LNX1: variants seen among roughly 807,000 people sequenced by gnomAD.
LNX1 encodes the protein E3 ubiquitin-protein ligase LNX.
Under a neutral mutation model 68.4 loss-of-function variants are expected in LNX1, and 54 were observed. The observed-to-expected ratio is 0.79, with a 90% CI of 0.63 to 0.99. The LOEUF is 0.99. Ranked by LOEUF, LNX1 falls within the 50% of genes least tolerant of loss-of-function variation. The probability of loss-of-function intolerance (pLI) is 0.00; values close to 1 mark genes in which losing one functional copy is unlikely to be tolerated. For missense variants in LNX1, 906 were observed against 926.4 expected, an observed-to-expected ratio of 0.98 and a Z score of 0.29; for synonymous variants, 336 against 350.0, an observed-to-expected ratio of 0.96 and a Z score of 0.45.
In LNX1 at chr4:53,498,755, A is replaced by T. The variant is rs1725258615; in HGVS notation, c.864T>A (p.Ile288=). Residue 288 remains isoleucine (I), a synonymous_variant, in exon 5 of 11, where the codon ATT becomes ATA. Transcript: ENST00000263925. ...GGGTTTCGCTACCTCCCACCAGCCT[A>T]ATAGAGAGGCTTTCACTGGGATCTA... ...NRVDPSESLS[I]RLVGGSETPL... 1.2e-6 allele frequency: 2 copies of T among 1,613,578 alleles called. No homozygotes were observed. Among genetic ancestry groups the T allele is most frequent in the Non-Finnish European group, 8.5e-7 (1 of 1,179,584 alleles).
At chr4:53,559,539 A>G (rs982828754) in intron 2 of LNX1, among the ~76,000 whole-genome samples, 1 of 152,224 alleles carries the variant, frequency 6.6e-6, no homozygotes, top group Non-Finnish European at 1.5e-5. Context: ...CTCCCCTGTA[A>G]AAGAAAGACA....
intron 2 of LNX1, among the ~76,000 whole-genome samples, chr4:53,529,649 C>T (rs1264499203): frequency 6.6e-6 from 1 of 152,138 alleles, no homozygotes; most frequent in East Asian, 1.9e-4. Context: ...GCTCCATGTA[C>T]ATTGTGAGCT....
intron 7 of LNX1, among the ~76,000 whole-genome samples, chr4:53,480,282 G>A (rs867375025): frequency 3.3e-5 from 5 of 152,038 alleles, no homozygotes; most frequent in South Asian, 4.1e-4. Flanking sequence ...CAGTTTGCAC[G>A]TTTCCAGGAA....
At chr4:53,627,718 T>C (rs1338235120) in intron 1 of LNX1, among the ~76,000 whole-genome samples, 1 of 152,238 alleles carries the variant, frequency 6.6e-6, no homozygotes, top group Non-Finnish European at 1.5e-5. Flanking sequence ...ATGGATGCCA[T>C]ATCTGTTCAG....
intron 2 of LNX1, among the ~76,000 whole-genome samples, chr4:53,611,026 CTG>C (rs1335602661): frequency 5.3e-5 from 8 of 151,788 alleles, no homozygotes; most frequent in Admixed American, 5.3e-4. Context: ...AATTTTAAAA[CTG>C]GAATAAACAT....
At chr4:53,648,436 G>A (rs913364348) in intron 1 of LNX1, among the ~76,000 whole-genome samples, 3 of 150,968 alleles carry the variant, frequency 2.0e-5, no homozygotes, top group African/African-American at 7.3e-5. Context: ...CAAGTCATTT[G>A]TCCATTTGAA....
chr4:53,479,926 C>G (rs879143758), intron 7 of LNX1, among the ~76,000 whole-genome samples: 1 of 152,216 alleles, frequency 6.6e-6, no homozygotes, highest in Admixed American at 6.5e-5. Context: ...TGCACTTAGT[C>G]GCTCTATGAC....
At chr4:53,470,596 A>T (rs1403555114) in intron 9 of LNX1, among the ~76,000 whole-genome samples, 2 of 152,162 alleles carry the variant, frequency 1.3e-5, no homozygotes, top group Non-Finnish European at 2.9e-5. Flanking sequence ...AAACCCCATC[A>T]TCTCAGCCCA....
chr4:53,561,264 T>C (rs1302701782), intron 2 of LNX1, among the ~76,000 whole-genome samples: 2 of 152,196 alleles, frequency 1.3e-5, no homozygotes, highest in Non-Finnish European at 2.9e-5. Context: ...AGTCTCATTC[T>C]GTCACCAGAC....
At chr4:53,539,775 C>T (rs1728623923) in intron 2 of LNX1, among the ~76,000 whole-genome samples, 1 of 152,180 alleles carries the variant, frequency 6.6e-6, no homozygotes, top group Non-Finnish European at 1.5e-5. Context: ...CCCACACTAT[C>T]AAAGATATTG....
intron 2 of LNX1, among the ~76,000 whole-genome samples, chr4:53,519,187 G>A (rs1727021879): frequency 6.6e-6 from 1 of 152,204 alleles, no homozygotes; most frequent in Non-Finnish European, 1.5e-5. Flanking sequence ...TAGAAGCAGA[G>A]GCCTAAAAGG....
intron 1 of LNX1, among the ~76,000 whole-genome samples, chr4:53,639,711 T>C (rs957267238): frequency 1.3e-5 from 2 of 152,052 alleles, no homozygotes; most frequent in African/African-American, 4.8e-5. Context: ...GCAAACACAG[T>C]GGAGAAGCCA....
At chr4:53,465,291 C>T (rs1414253410) in intron 9 of LNX1, among the ~76,000 whole-genome samples, 1 of 152,146 alleles carries the variant, frequency 6.6e-6, no homozygotes, top group East Asian at 1.9e-4. Context: ...ACATTTTTGA[C>T]AGAACTTCTC....
At chr4:53,572,096 G>A (rs1204939999) in intron 2 of LNX1, among the ~76,000 whole-genome samples, 1 of 152,100 alleles carries the variant, frequency 6.6e-6, no homozygotes, top group Non-Finnish European at 1.5e-5. Flanking sequence ...TCCTCCTCAT[G>A]CCCCTCATCC....
rs1730687602 is a variant in LNX1 at position 53,566,315 on chromosome 4, C to G, written c.380+7308G>C. Among the ~76,000 whole-genome samples the G allele has an allele frequency of 4.0e-5, 6 of 151,686 alleles. 2 individuals are homozygous for G. The highest frequency in any genetic ancestry group is 1.5e-4 in the African/African-American group (6 of 41,094). On this transcript the variant is annotated intron_variant, in intron 2 of 10. Transcript: ENST00000263925. Reference sequence around the variant, plus strand: ...AGCGGATCTCTCTGCAGAAACCCTACAAGCCAGAAGAGAGTGGGGGCCAAT... The same window carrying G: ...AGCGGATCTCTCTGCAGAAACCCTAGAAGCCAGAAGAGAGTGGGGGCCAAT...
Position 53,496,139 on chromosome 4 carries a change from G to T in LNX1, c.1234C>A (p.Leu412Met). 6.2e-7 allele frequency: 1 copy of T among 1,614,110 alleles called. No homozygotes were observed. Among genetic ancestry groups the T allele is most frequent in the Non-Finnish European group, 8.5e-7 (1 of 1,180,020 alleles). The change falls in exon 6 of 11, where the codon CTG becomes ATG. Residue 412 changes from leucine (L) to methionine (M), a missense_variant. Transcript: ENST00000263925. ...DEPGVFIFNV[L>M]DGGVAYRHGQ... ...TGTCGATATGCCACACCGCCATCCA[G>T]CACATTGAAGATGAAAACCCCAGGC... is the stretch of plus-strand genomic sequence containing the variant.
At chr4:53,515,843 C>G (rs1186368712) in intron 2 of LNX1, among the ~76,000 whole-genome samples, 1 of 152,150 alleles carries the variant, frequency 6.6e-6, no homozygotes, top group Non-Finnish European at 1.5e-5. Context: ...GGAAGGGTCT[C>G]CTAAGAAGGC....
At chr4:53,582,038 G>A (rs1731868157) in intron 1 of LNX1, among the ~76,000 whole-genome samples, 1 of 152,120 alleles carries the variant, frequency 6.6e-6, no homozygotes, top group Admixed American at 6.5e-5. Flanking sequence ...ACCTGAAGGT[G>A]AGTGTCTCAC....
intron 2 of LNX1, chr4:53,602,824 A>G (rs1733072142): frequency 6.6e-6 from 1 of 152,212 alleles, no homozygotes; most frequent in Non-Finnish European, 1.5e-5. Flanking sequence ...ATATCATTTT[A>G]CTCTATTTTA....
Sources: gnomAD v4.1 joint callset for allele counts (sites outside exome capture counted in the v4.1 genomes callset) on GRCh38, gnomAD v4.1.1 for gene constraint, MANE v1.5 for transcripts, NCBI Gene and HGNC (gene_info 2026-07-23, HGNC 2026-07-21) for gene names.